The following CTH variants were observed in gnomAD, a reference collection of about 807,000 sequenced individuals.
CTH encodes cystathionine gamma-lyase, also known as cystathionase (cystathionine gamma-lyase).
In CTH, 41 loss-of-function variants were observed where a neutral mutation model predicts 50.6. The ratio of observed to expected loss-of-function variants is 0.81; its 90% CI spans 0.63 to 1.05. The LOEUF is 1.05. Among genes scored for constraint, CTH ranks in the 50% least tolerant of loss-of-function variants. The pLI is 0.00. For synonymous variants in CTH, 156 were observed against 168.9 expected (o/e 0.92, Z 0.59); for missense variants, 470 against 492.6 (o/e 0.95, Z 0.43).
chr1:70,423,949 C>T (rs1406212840), intron 4 of CTH, among the ~76,000 whole-genome samples: 4 of 152,192 alleles, frequency 2.6e-5, no homozygotes, highest in African/African-American at 9.6e-5. Flanking sequence ...TTTCCAGACA[C>T]TGAGCTGTCT....
chr1:70,418,450 G>T (rs1389792586), intron 3 of CTH, among the ~76,000 whole-genome samples: 1 of 152,100 alleles, frequency 6.6e-6, no homozygotes, highest in Non-Finnish European at 1.5e-5. Flanking sequence ...GGGTTTCGTT[G>T]TGTTGGTCAG....
In CTH at chr1:70,429,962, T is replaced by C. The variant is rs535579117; in HGVS notation, c.646+111T>C. 8.4e-5 allele frequency: 65 copies of C among 778,264 alleles called. No homozygotes were observed. In the Admixed American group the frequency reaches 1.1e-3, roughly 13 times the overall value. 48.2% of individuals were successfully genotyped at this position (778,264 alleles called of 1,614,324 possible). ...TTTGTAGATTATTTCCTGTGACTCA[T>C]AGAGAGAGTAAAAAAAAAAATCCTT... On this transcript the variant is annotated intron_variant, in intron 6 of 11. Coordinates refer to ENST00000370938, the MANE Select transcript of CTH (RefSeq NM_001902.6).
intron 3 of CTH, among the ~76,000 whole-genome samples, chr1:70,421,169 A>G (rs1260547685): frequency 6.6e-6 from 1 of 152,214 alleles, no homozygotes; most frequent in Admixed American, 6.5e-5. Context: ...ATTCTTTTCC[A>G]TTACAAAGTA....
intron 1 of CTH, among the ~76,000 whole-genome samples, chr1:70,412,862 C>A (rs751978481): frequency 1.3e-5 from 2 of 152,036 alleles, no homozygotes; most frequent in African/African-American, 2.4e-5. Flanking sequence ...TCCATTTGAT[C>A]CTCACAACAA....
intron 4 of CTH, 147 bp from the exon 5 acceptor site, chr1:70,424,138 A>C: frequency 6.9e-7 from 1 of 1,451,554 alleles, no homozygotes; most frequent in Non-Finnish European, 9.4e-7. Context: ...TTTGCAGGTA[A>C]GGCTGGGATT....
chr1:70,433,959 C>T lies in CTH; in HGVS notation c.999+10C>T. ...CCTCAAGAACCTAAAGGTAAACTTACAAAATAGGTTTAAAATTGTAGGAGG... is the reference window on the plus strand; with the variant it reads ...CCTCAAGAACCTAAAGGTAAACTTATAAAATAGGTTTAAAATTGTAGGAGG... On this transcript the variant is annotated intron_variant, in intron 9 of 11. Transcript: ENST00000370938. 6.2e-7 allele frequency: 1 copy of T among 1,613,572 alleles called. No individual in the cohort carries two copies. The highest frequency in any genetic ancestry group is 8.5e-7 in the Non-Finnish European group (1 of 1,179,670).
chr1:70,435,886 C>T (rs756483041), intron 10 of CTH, among the ~76,000 whole-genome samples: 8 of 152,196 alleles, frequency 5.3e-5, no homozygotes, highest in Non-Finnish European at 1.0e-4. Context: ...AACGTGTTCG[C>T]AGCTTCACTC....
chr1:70,411,436 C>T lies in CTH; in HGVS notation c.21C>T (p.Ser7=). 6.2e-7 allele frequency: 1 copy of T among 1,614,160 alleles called. No individual in the cohort carries two copies. The highest frequency in any genetic ancestry group is 1.1e-5 in the South Asian group (1 of 91,084). ...TCAGCATGCAGGAAAAAGACGCCTCCTCACAAGGTTTCCTGCCACACTTCC... is the reference window on the plus strand; with the variant it reads ...TCAGCATGCAGGAAAAAGACGCCTCTTCACAAGGTTTCCTGCCACACTTCC... MQEKDA[S]SQGFLPHFQH... The change falls in exon 1 of 12, where the codon TCC becomes TCT. Residue 7 remains serine (S), a synonymous_variant. Transcript: ENST00000370938.
intron 2 of CTH, among the ~76,000 whole-genome samples, chr1:70,417,240 T>C (rs1034793828): frequency 6.6e-6 from 1 of 152,130 alleles, no homozygotes; most frequent in Non-Finnish European, 1.5e-5. Flanking sequence ...ATAATTAACG[T>C]ATGAATCATA....
At chr1:70,423,465 A>G (rs608609) in intron 4 of CTH, among the ~76,000 whole-genome samples, 116,369 of 151,634 alleles carry the variant, frequency 0.77, 44,778 homozygotes, top group Admixed American at 0.82. Context: ...CAACTACTGG[A>G]GAGGCTGAGG....
Position 70,424,418 on chromosome 1 carries a change from T to C in CTH, c.588+2T>C. On this transcript the variant is annotated splice_donor_variant, in intron 5 of 11. Transcript: ENST00000370938. LOFTEE classifies it high-confidence loss of function. Reference sequence around the variant, plus strand: ...ACTTTTATGTCACCATATTTCCAGGTAAATGAAAATAATTTTTTTTGGCAC... The same window carrying C: ...ACTTTTATGTCACCATATTTCCAGGCAAATGAAAATAATTTTTTTTGGCAC... 6.2e-7 allele frequency: 1 copy of C among 1,613,926 alleles called. No individual in the cohort carries two copies. Among genetic ancestry groups the C allele is most frequent in the South Asian group, 1.1e-5 (1 of 91,076 alleles).
intron 6 of CTH, 38 bp downstream of exon 6, chr1:70,429,889 G>A: frequency 7.0e-7 from 1 of 1,437,608 alleles, no homozygotes; most frequent in Non-Finnish European, 9.8e-7. Flanking sequence ...TTCATGGATA[G>A]GTGAAAATTG....
chr1:70,421,513 A>G, intron 3 of CTH, 53 bp from the exon 4 acceptor site: 18 of 1,562,932 alleles, frequency 1.2e-5, no homozygotes, highest in Non-Finnish European at 1.6e-5. Flanking sequence ...GAAGGAATGA[A>G]TGTTTCTTAA....
At chr1:70,431,806 A>G (rs1003823436) in intron 7 of CTH, among the ~76,000 whole-genome samples, 9 of 152,240 alleles carry the variant, frequency 5.9e-5, no homozygotes, top group African/African-American at 2.2e-4. Context: ...AAAATCATAG[A>G]AAGGACTACT....
intron 5 of CTH, among the ~76,000 whole-genome samples, chr1:70,427,208 C>G (rs1021671477): frequency 1.3e-5 from 2 of 152,110 alleles, no homozygotes; most frequent in Admixed American, 1.3e-4. Flanking sequence ...CTGTAAGTCT[C>G]ACGAAAGGCA....
intron 10 of CTH, among the ~76,000 whole-genome samples, chr1:70,437,856 G>T (rs1384974181): frequency 6.6e-6 from 1 of 152,124 alleles, no homozygotes; most frequent in Non-Finnish European, 1.5e-5. Context: ...ACATACTGGG[G>T]TTAAGTAAGA....
chr1:70,415,602 CAT>C (rs1436676353), intron 1 of CTH, among the ~76,000 whole-genome samples: 5 of 152,178 alleles, frequency 3.3e-5, no homozygotes, highest in Admixed American at 3.3e-4. Context: ...TGCCAGGAAA[CAT>C]GTAGTGAATT....
chr1:70,437,269 G>A (rs531498476), intron 10 of CTH, among the ~76,000 whole-genome samples: 4 of 152,256 alleles, frequency 2.6e-5, no homozygotes, highest in Admixed American at 1.3e-4. Flanking sequence ...CCCAATAAAC[G>A]TTAGCACCTA....
In CTH at chr1:70,433,912, C is replaced by T. The variant is rs762586578; in HGVS notation, c.962C>T (p.Thr321Ile). The stretch of plus-strand genomic sequence containing the variant: ...ATGGTCACCTTTTATATTAAGGGCA[C>T]TCTTCAGCATGCTGAGATTTTCCTC... ...TGMVTFYIKGTLQHAEIFLKN... is the reference protein window; with the variant it reads ...TGMVTFYIKGILQHAEIFLKN... Residue 321 changes from threonine to isoleucine, a missense_variant, in exon 9 of 12, where the codon ACT (threonine) becomes ATT (isoleucine). Coordinates refer to ENST00000370938, the MANE Select transcript of CTH (RefSeq NM_001902.6). 2 of 1,613,982 alleles carry T rather than the reference C, an allele frequency of 1.2e-6. No homozygotes were observed. The highest frequency in any genetic ancestry group is 1.3e-5 in the African/African-American group (1 of 74,926).
Sources: gnomAD v4.1 joint callset for allele counts (sites outside exome capture counted in the v4.1 genomes callset) on GRCh38, gnomAD v4.1.1 for gene constraint, MANE v1.5 for transcripts, NCBI Gene and HGNC (gene_info 2026-07-23, HGNC 2026-07-21) for gene names.